The following GSE1 variants were observed in gnomAD, a reference collection of about 807,000 sequenced individuals.
GSE1 encodes the protein genetic suppressor element 1.
Under a neutral mutation model 112.6 loss-of-function variants are expected in GSE1, and 32 were observed. That is an observed-to-expected ratio of 0.28 (90% CI 0.21 to 0.38). GSE1 has a LOEUF of 0.38. Among genes scored for constraint, GSE1 ranks in the 10% least tolerant of loss-of-function variants. The pLI, the probability that GSE1 is intolerant of heterozygous loss-of-function variation, is 1.00. For synonymous variants in GSE1, 1,115 were observed against 735.6 expected (o/e 1.52, Z -8.35); for missense variants, 2,348 against 1,699.2 (o/e 1.38, Z -6.71).
chr16:85,279,343 C>T (rs1310980715), intron 1 of GSE1, among the ~76,000 whole-genome samples: 1 of 152,256 alleles, frequency 6.6e-6, no homozygotes, highest in Non-Finnish European at 1.5e-5. Flanking sequence ...TGTGGTGGCT[C>T]ATGCCTGTAA....
At chr16:85,620,023 C>T (rs957630633) in intron 1 of GSE1, among the ~76,000 whole-genome samples, 8 of 152,126 alleles carry the variant, frequency 5.3e-5, no homozygotes, top group Admixed American at 3.3e-4. Context: ...TTATGGGGTG[C>T]GGTGGCTCAA....
intron 1 of GSE1, among the ~76,000 whole-genome samples, chr16:85,177,879 C>T (rs1359235939): frequency 2.6e-5 from 4 of 152,148 alleles, no homozygotes; most frequent in East Asian, 3.9e-4. Flanking sequence ...GGGCCAGGGA[C>T]GAACTGCAGT....
chr16:85,171,484 C>G, exon 1 of GSE1: 1 of 985,628 alleles, frequency 1.0e-6, no homozygotes, highest in Non-Finnish European at 1.2e-6. Context: ...CTACCATGAC[C>G]TGCTGGCCCA....
chr16:85,422,877 G>A (rs921417678), intron 2 of GSE1, among the ~76,000 whole-genome samples: 1 of 152,150 alleles, frequency 6.6e-6, no homozygotes, highest in African/African-American at 2.4e-5. Context: ...CTGACGCTCG[G>A]GGCTCCAGGG....
intron 1 of GSE1, among the ~76,000 whole-genome samples, chr16:85,236,046 G>GC (rs1203403299): frequency 3.9e-5 from 6 of 152,022 alleles, no homozygotes; most frequent in Admixed American, 1.3e-4. Flanking sequence ...GGCTGGGGCT[G>GC]GGGCTGGTGC....
In GSE1 at chr16:85,613,326, T is replaced by G. The variant is rs1296931412; in HGVS notation, c.-66T>G. On this transcript the variant is annotated 5_prime_UTR_variant, in exon 1 of 16. Transcript: ENST00000253458. The stretch of plus-strand genomic sequence containing the variant: ...GCAGCCCCGGGTGAGATAAGCAGTT[T>G]AGACAAACACTGGGCGACGGTGGCT... 2.6e-6 allele frequency: 4 copies of G among 1,553,054 alleles called. No homozygotes were observed. The highest frequency in any genetic ancestry group is 1.4e-5 in the African/African-American group (1 of 72,810).
chr16:85,221,284 A>G (rs77554577), intron 1 of GSE1, among the ~76,000 whole-genome samples: 6,091 of 151,654 alleles, frequency 0.04, 413 homozygotes, highest in African/African-American at 0.14. Context: ...GCTGCAGGCT[A>G]CTGGCCTGGT....
At chr16:85,641,391 A>AG (rs2050435059) in intron 2 of GSE1, among the ~76,000 whole-genome samples, 1 of 151,774 alleles carries the variant, frequency 6.6e-6, no homozygotes, top group Admixed American at 6.5e-5. Flanking sequence ...ACGTGATGGC[A>AG]GGGTGGGCAT....
chr16:85,501,278 A>G (rs1302401144), intron 2 of GSE1, among the ~76,000 whole-genome samples: 1 of 151,996 alleles, frequency 6.6e-6, no homozygotes, highest in Non-Finnish European at 1.5e-5. Context: ...CTGGGATTAC[A>G]GGCGTGAGCC....
chr16:85,182,592 C>T (rs947955331), intron 1 of GSE1, among the ~76,000 whole-genome samples: 4 of 152,214 alleles, frequency 2.6e-5, no homozygotes, highest in African/African-American at 9.6e-5. Flanking sequence ...TGGATGCCTC[C>T]TGCAAGAGCA....
Position 85,634,062 on chromosome 16 carries a change from C to T in GSE1, c.156C>T (p.Ala52=), listed in dbSNP as rs778146704. Residue 52 remains alanine, a synonymous_variant, in exon 2 of 16, where the codon GCC becomes GCT. Transcript: ENST00000253458. The stretch of plus-strand genomic sequence containing the variant: ...CCGCCACCAGCAGCGCGCTGTCGGC[C>T]CAGGCCGCGCCATCCTCCAGCTTTG... The part of the protein sequence containing the change: ...GSPATSSALS[A]QAAPSSSFAA... 35 of 1,606,258 alleles carry T rather than the reference C, an allele frequency of 2.2e-5. No homozygotes were observed. Among genetic ancestry groups the T allele is most frequent in the Middle Eastern group, 1.7e-4 (1 of 6,058 alleles).
intron 1 of GSE1, among the ~76,000 whole-genome samples, chr16:85,340,130 G>C (rs1350041920): frequency 6.6e-6 from 1 of 152,172 alleles, no homozygotes; most frequent in Non-Finnish European, 1.5e-5. Flanking sequence ...ATCATGCAAG[G>C]CTGAGCCCAG....
At chr16:85,611,418 T>C, upstream of GSE1, 1 of 970,234 alleles carries the variant, frequency 1.0e-6, no homozygotes, top group South Asian at 4.8e-5. Context: ...CACCGTGTGG[T>C]GCGTAAATTA....
At chr16:85,316,039 G>A (rs975767628) in intron 1 of GSE1, among the ~76,000 whole-genome samples, 1 of 152,210 alleles carries the variant, frequency 6.6e-6, no homozygotes, top group Non-Finnish European at 1.5e-5. Flanking sequence ...CAGAGCCATC[G>A]AATGTCCCAC....
At chr16:85,382,085 C>G (rs1466826549) in intron 2 of GSE1, among the ~76,000 whole-genome samples, 2 of 152,262 alleles carry the variant, frequency 1.3e-5, no homozygotes, top group Non-Finnish European at 2.9e-5. Flanking sequence ...TCTCTTGGCT[C>G]CTCCGCTGTG....
intron 2 of GSE1, among the ~76,000 whole-genome samples, chr16:85,484,879 G>A (rs2050784478): frequency 1.3e-5 from 2 of 152,216 alleles, no homozygotes; most frequent in African/African-American, 4.8e-5. Context: ...GGCCTCCACT[G>A]TGATGGCCAT....
chr16:85,182,781 G>A (rs909143203), intron 1 of GSE1, among the ~76,000 whole-genome samples: 1 of 152,108 alleles, frequency 6.6e-6, no homozygotes, highest in African/African-American at 2.4e-5. Context: ...ACAGTGGATT[G>A]TTGACGGCTG....
In GSE1 at chr16:85,394,498, G is replaced by A. The variant is rs1417436521; in HGVS notation, c.2464+36855G>A. Among the ~76,000 whole-genome samples, 4 of 152,086 alleles carry A rather than the reference G, an allele frequency of 2.6e-5. No homozygotes were observed. In the South Asian group the frequency reaches 8.3e-4, roughly 32 times the overall value. On this transcript the variant is annotated intron_variant, in intron 2 of 2. Coordinates refer to the GSE1 transcript ENST00000637419. ...GATTTGGGTGGTTCCTCGGATGAGCGGCTTGAGGGGGCTCTGCTTTATGTA... is the reference window on the plus strand; with the variant it reads ...GATTTGGGTGGTTCCTCGGATGAGCAGCTTGAGGGGGCTCTGCTTTATGTA...
At position 85,404,336 on chromosome 16, in the gene GSE1, C is replaced by T. The variant is rs868424417; in HGVS notation, c.2464+46693C>T. On this transcript the variant is annotated intron_variant, in intron 2 of 2. Coordinates refer to the GSE1 transcript ENST00000637419. Reference sequence around the variant, plus strand: ...CCTCACTCTTACACTCAGGGCCCCCCGGATAATCCTCACCGTTACACTCAG... The same window carrying T: ...CCTCACTCTTACACTCAGGGCCCCCTGGATAATCCTCACCGTTACACTCAG... Among the ~76,000 whole-genome samples the T allele has an allele frequency of 1.1e-3, 70 of 64,906 alleles. 4 individuals carry two copies. The highest frequency in any genetic ancestry group is 3.3e-3 in the African/African-American group (46 of 14,026). The allele number at this position is 64,906 out of a possible 152,430, so 42.6% of individuals were successfully genotyped here. A position where few individuals can be genotyped will look rare whatever the true frequency, so the allele number is the denominator to read the frequency against.
Sources: gnomAD v4.1 joint callset for allele counts (sites outside exome capture counted in the v4.1 genomes callset) on GRCh38, gnomAD v4.1.1 for gene constraint, MANE v1.5 for transcripts, NCBI Gene and HGNC (gene_info 2026-07-23, HGNC 2026-07-21) for gene names.